NRP2: variants seen among roughly 807,000 people sequenced by gnomAD.
The protein encoded by NRP2 is neuropilin 2.
In NRP2, 52 loss-of-function variants were observed where a neutral mutation model predicts 110.4. The ratio of observed to expected loss-of-function variants is 0.47; its 90% CI spans 0.38 to 0.59. NRP2 has a LOEUF of 0.59. Among genes scored for constraint, NRP2 ranks in the 20% least tolerant of loss-of-function variants. NRP2 has a pLI of 0.00. For missense variants in NRP2, 1,049 were observed against 1,203.0 expected (o/e 0.87, Z 1.89); for synonymous variants, 508 against 468.9 (o/e 1.08, Z -1.08).
intron 15 of NRP2, among the ~76,000 whole-genome samples, chr2:205,782,495 G>C (rs986117012): frequency 3.3e-5 from 5 of 152,118 alleles, no homozygotes; most frequent in Non-Finnish European, 7.3e-5. Context: ...AGCCAAAGTC[G>C]ATTTCATTGT....
intron 11 of NRP2, among the ~76,000 whole-genome samples, 186 bp downstream of exon 11, chr2:205,750,027 T>C (rs767376522): frequency 6.6e-6 from 1 of 152,106 alleles, no homozygotes; most frequent in Admixed American, 6.5e-5. Context: ...GTAGAAGCAT[T>C]TGGATAGTGT....
At chr2:205,718,515 G>T (rs2056945772) in intron 3 of NRP2, among the ~76,000 whole-genome samples, 1 of 152,138 alleles carries the variant, frequency 6.6e-6, no homozygotes, top group Non-Finnish European at 1.5e-5. Flanking sequence ...GATTGTAAGA[G>T]AAAGCCCTGC....
At chr2:205,786,525 C>A (rs994552646) in intron 15 of NRP2, among the ~76,000 whole-genome samples, 2 of 152,186 alleles carry the variant, frequency 1.3e-5, no homozygotes, top group African/African-American at 4.8e-5. Context: ...TATTCAATGA[C>A]TTATTGCACT....
chr2:205,708,527 C>G (rs1186398146), intron 2 of NRP2, among the ~76,000 whole-genome samples: 1 of 152,200 alleles, frequency 6.6e-6, no homozygotes, highest in African/African-American at 2.4e-5. Context: ...TCTGGAGTGG[C>G]CTCCTTCCTC....
At chr2:205,685,682 C>T (rs1325704115) in intron 1 of NRP2, 1 of 152,612 alleles carries the variant, frequency 6.6e-6, no homozygotes, top group Non-Finnish European at 1.5e-5. Context: ...TAGCCTGCCT[C>T]CCTCCCTGCC....
At chr2:205,758,934 C>A (rs184150436) in intron 12 of NRP2, among the ~76,000 whole-genome samples, 3 of 152,072 alleles carry the variant, frequency 2.0e-5, no homozygotes, top group Non-Finnish European at 1.5e-5. Flanking sequence ...CCCCACCATA[C>A]CAGCTCTTTT....
chr2:205,739,121 T>G (rs1241212468), intron 7 of NRP2, among the ~76,000 whole-genome samples: 1 of 152,182 alleles, frequency 6.6e-6, no homozygotes, highest in Non-Finnish European at 1.5e-5. Flanking sequence ...AAACTCACAC[T>G]GGAAACACAT....
intron 15 of NRP2, chr2:205,779,089 A>C (rs1342105216): frequency 6.6e-6 from 1 of 152,248 alleles, no homozygotes; most frequent in Non-Finnish European, 1.5e-5. Context: ...GCATGCATGC[A>C]TGTGTTTAGA....
At chr2:205,774,866 A>G (rs2058074478) in intron 15 of NRP2, among the ~76,000 whole-genome samples, 1 of 152,176 alleles carries the variant, frequency 6.6e-6, no homozygotes, top group Non-Finnish European at 1.5e-5. Flanking sequence ...ACCCTTAGGT[A>G]TGGATGAGAG....
chr2:205,738,319 C>A (rs900408648), intron 7 of NRP2, among the ~76,000 whole-genome samples: 3 of 152,174 alleles, frequency 2.0e-5, no homozygotes, highest in Non-Finnish European at 4.4e-5. Flanking sequence ...TGGAGGCCCC[C>A]CTGCTGCTGC....
At chr2:205,704,494 G>C (rs377389096) in intron 2 of NRP2, among the ~76,000 whole-genome samples, 1 of 152,180 alleles carries the variant, frequency 6.6e-6, no homozygotes, top group East Asian at 1.9e-4. Context: ...CCTAATGACA[G>C]AAACAGATCC....
chr2:205,721,109 T>C (rs766937597), intron 3 of NRP2, among the ~76,000 whole-genome samples: 2 of 152,174 alleles, frequency 1.3e-5, no homozygotes, highest in African/African-American at 4.8e-5. Flanking sequence ...AATCAGACAT[T>C]TGCCTCTTTC....
At chr2:205,752,721 C>T in intron 11 of NRP2, 114 bp from the exon 12 acceptor site, 1 of 1,144,850 alleles carries the variant, frequency 8.7e-7, no homozygotes, top group Non-Finnish European at 1.3e-6. Context: ...AAGGAAGCCA[C>T]TTCTTTCTCT....
At chr2:205,776,405 C>A (rs1296413652) in intron 15 of NRP2, 3 of 1,613,516 alleles carry the variant, frequency 1.9e-6, no homozygotes, top group East Asian at 4.5e-5. Flanking sequence ...TTCCGCTATG[C>A]GGCCAAGAAG....
intron 4 of NRP2, among the ~76,000 whole-genome samples, chr2:205,723,390 T>G (rs849537): frequency 0.95 from 144,949 of 152,232 alleles, 69,419 homozygotes; most frequent in East Asian, 1. Context: ...CCTGGGTAAA[T>G]CACAAGACTT....
Position 205,743,529 on chromosome 2 carries a change from G to A in NRP2, c.1618G>A (p.Asp540Asn). The A allele has an allele frequency of 6.2e-7, 1 of 1,614,182 alleles. No individual in the cohort carries two copies. Among genetic ancestry groups the A allele is most frequent in the Non-Finnish European group, 8.5e-7 (1 of 1,180,032 alleles). Residue 540 changes from aspartate to asparagine, a missense_variant, in exon 9 of 17, where the codon GAC becomes AAC. Transcript: ENST00000357785. ...CGGCAAGGACTGGGAATACATTCAGGACCCCAGGACCCAGCAGCCAAAGGT... is the reference window on the plus strand; with the variant it reads ...CGGCAAGGACTGGGAATACATTCAGAACCCCAGGACCCAGCAGCCAAAGGT... ...LNGKDWEYIQ[D>N]PRTQQPKLFE...
intron 2 of NRP2, among the ~76,000 whole-genome samples, chr2:205,707,063 A>T (rs1160587639): frequency 6.6e-6 from 1 of 152,200 alleles, no homozygotes; most frequent in Non-Finnish European, 1.5e-5. Flanking sequence ...CTTTCTAAAC[A>T]TCTTTCTTCA....
chr2:205,721,327 C>A (rs1305655655), intron 3 of NRP2, among the ~76,000 whole-genome samples: 3 of 152,132 alleles, frequency 2.0e-5, no homozygotes, highest in Non-Finnish European at 2.9e-5. Context: ...TGTCTATTAT[C>A]CTCCTCAAAA....
In NRP2 at chr2:205,737,364, G is replaced by A. The variant is rs147004351; in HGVS notation, c.1147-3155G>A. On this transcript the variant is annotated intron_variant, in intron 7 of 16. Coordinates refer to ENST00000357785, the MANE Select transcript of NRP2 (RefSeq NM_003872.3). ...ATGCGAAGAAAGGTTTAGAAGCAGG[G>A]GACCAGAGAGAACCCTACAAATCAA... Among the ~76,000 whole-genome samples the A allele has an allele frequency of 1.6e-4, 24 of 152,268 alleles. 1 individual carries two copies. Among genetic ancestry groups the A allele is most frequent in the South Asian group, 1.2e-3 (6 of 4,824 alleles).
Sources: allele counts gnomAD v4.1 joint callset (sites outside exome capture counted in the v4.1 genomes callset), GRCh38; gene constraint gnomAD v4.1.1; transcripts MANE v1.5; gene names NCBI Gene and HGNC (gene_info 2026-07-23, HGNC 2026-07-21).